Variants in TASP1 observed in about 807,000 individuals in gnomAD.
TASP1 encodes taspase 1.
TASP1 carries 16 observed loss-of-function variants against 56.6 expected under a neutral mutation model. The observed-to-expected ratio is 0.28, with a 90% confidence interval of 0.19 to 0.43. TASP1 has a LOEUF of 0.43. TASP1 is among the 20% of genes least tolerant of loss of function. TASP1 has a pLI of 1.00. For missense variants in TASP1, 393 were observed against 511.6 expected, an observed-to-expected ratio of 0.77 and a Z score of 2.24; for synonymous variants, 179 against 184.2, an observed-to-expected ratio of 0.97 and a Z score of 0.23.
intron 10 of TASP1, among the ~76,000 whole-genome samples, chr20:13,522,510 A>G (rs1028676042): frequency 6.6e-6 from 1 of 152,162 alleles, no homozygotes; most frequent in African/African-American, 2.4e-5. Flanking sequence ...GATGAACCCA[A>G]AATTTTGACT....
the TASP1 span, among the ~76,000 whole-genome samples, chr20:13,209,746 G>C: frequency 3.9e-5 from 6 of 152,288 alleles, no homozygotes; most frequent in African/African-American, 1.4e-4. Context: ...TAGATGTTCT[G>C]AAGATTCAAA....
intron 9 of TASP1, 104 bp from the exon 10 acceptor site, chr20:13,528,615 T>C (rs893141749): frequency 9.3e-6 from 9 of 967,978 alleles, no homozygotes; most frequent in Non-Finnish European, 1.4e-5. Flanking sequence ...TTAATAATGA[T>C]GTAAAACAAC....
intron 10 of TASP1, among the ~76,000 whole-genome samples, chr20:13,483,759 A>T (rs765773991): frequency 6.6e-6 from 1 of 152,154 alleles, no homozygotes. Flanking sequence ...CAAGGACTTC[A>T]TGTCTAAAAC....
At chr20:13,254,162 G>T in the TASP1 span, among the ~76,000 whole-genome samples, 3 of 151,844 alleles carry the variant, frequency 2.0e-5, no homozygotes, top group South Asian at 2.1e-4. Flanking sequence ...GAGCCCAGGA[G>T]GGGGAGGTTG....
chr20:13,321,265 A>AAAAAAAAAAAAAAC, the TASP1 span, among the ~76,000 whole-genome samples: 1 of 150,956 alleles, frequency 6.6e-6, no homozygotes, highest in Non-Finnish European at 1.5e-5. Flanking sequence ...AAAAAAAAAA[A>AAAAAAAAAAAAAAC]AAAAAAAAAA....
chr20:13,126,519 A>G, the TASP1 span: 1 of 1,575,594 alleles, frequency 6.3e-7, no homozygotes, highest in Non-Finnish European at 8.6e-7. Flanking sequence ...TAGGGATGGG[A>G]CTAGATGTAA....
At chr20:13,562,974 A>ATGTG (rs757445654) in intron 7 of TASP1, among the ~76,000 whole-genome samples, 1 of 131,142 alleles carries the variant, frequency 7.6e-6, no homozygotes, top group Non-Finnish European at 1.6e-5. Flanking sequence ...GTGCGTATGT[A>ATGTG]TGTGTGTGTA....
chr20:13,180,681 G>A, the TASP1 span, among the ~76,000 whole-genome samples: 8 of 152,208 alleles, frequency 5.3e-5, no homozygotes, highest in East Asian at 1.9e-4. Context: ...GGCATAAATC[G>A]CCAGGCCGTG....
At chr20:13,597,529 T>C (rs549908061) in intron 4 of TASP1, among the ~76,000 whole-genome samples, 2 of 152,256 alleles carry the variant, frequency 1.3e-5, no homozygotes, top group South Asian at 2.1e-4. Flanking sequence ...ATGGAATGTA[T>C]CTCAAAATAA....
intron 8 of TASP1, among the ~76,000 whole-genome samples, chr20:13,544,118 A>T (rs536475352): frequency 6.6e-6 from 1 of 152,326 alleles, no homozygotes; most frequent in South Asian, 2.1e-4. Flanking sequence ...TTCAAAACAA[A>T]CTTCTAAGAC....
chr20:13,239,474 G>A, the TASP1 span: 1 of 152,224 alleles, frequency 6.6e-6, no homozygotes, highest in Non-Finnish European at 1.5e-5. Flanking sequence ...TAAGGTGAAT[G>A]CTAGTGGGGG....
intron 12 of TASP1, among the ~76,000 whole-genome samples, chr20:13,431,125 G>GT (rs201842500): frequency 9.4e-4 from 138 of 147,534 alleles, no homozygotes; most frequent in East Asian, 2.0e-3. Flanking sequence ...CAGCAGTTAA[G>GT]TTTTTTTTTT....
chr20:13,405,809 G>T (rs1265283613), intron 13 of TASP1, among the ~76,000 whole-genome samples: 2 of 151,636 alleles, frequency 1.3e-5, no homozygotes, highest in East Asian at 3.9e-4. Flanking sequence ...GCCCGCCTCA[G>T]CCTCCGAAAG....
At chr20:13,165,027 C>T in the TASP1 span, 1 of 580,752 alleles carries the variant, frequency 1.7e-6, no homozygotes, top group Non-Finnish European at 3.0e-6. Context: ...TTAATGTCTC[C>T]AGCTTGGACT....
chr20:13,560,250 CT>C lies in TASP1; in HGVS notation c.569-1137del, dbSNP rs2046301980. Among the ~76,000 whole-genome samples, 3 of 152,204 alleles carry C rather than the reference CT, an allele frequency of 2.0e-5. No homozygotes were observed. The South Asian group carries it at 6.2e-4, about 32-fold the overall frequency. On this transcript the variant is annotated intron_variant, in intron 7 of 13. Coordinates refer to ENST00000337743, the MANE Select transcript of TASP1 (RefSeq NM_017714.3). ...CAGAGTAATTATCCACAGAATATTC[CT>C]AAAAACATTGGGTAAAATATTTAAA...
the TASP1 span, among the ~76,000 whole-genome samples, chr20:13,243,770 A>C: frequency 6.6e-6 from 1 of 152,222 alleles, no homozygotes; most frequent in East Asian, 1.9e-4. Flanking sequence ...CTATCCATTA[A>C]CTAATCAGCA....
chr20:13,317,632 G>A, the TASP1 span, among the ~76,000 whole-genome samples: 1 of 152,046 alleles, frequency 6.6e-6, no homozygotes, highest in South Asian at 2.1e-4. Context: ...CCAGAGAATA[G>A]ACCTACACCA....
intron 8 of TASP1, among the ~76,000 whole-genome samples, chr20:13,539,822 T>A (rs184204617): frequency 1.5e-4 from 23 of 152,316 alleles, no homozygotes; most frequent in Admixed American, 1.0e-3. Context: ...ACATTAAAGG[T>A]GGAAAAGGCA....
chr20:13,567,366 C>T (rs2046568517), intron 7 of TASP1, among the ~76,000 whole-genome samples: 2 of 152,084 alleles, frequency 1.3e-5, no homozygotes, highest in Admixed American at 6.6e-5. Context: ...CAACAAACCC[C>T]TGTGACATGA....
Sources: allele counts gnomAD v4.1 joint callset (sites outside exome capture counted in the v4.1 genomes callset), GRCh38; gene constraint gnomAD v4.1.1; transcripts MANE v1.5; gene names NCBI Gene and HGNC (gene_info 2026-07-23, HGNC 2026-07-21).